MARCHF1: variants seen among roughly 807,000 people sequenced by gnomAD.
MARCHF1 encodes membrane associated ring-CH-type finger 1, also known as E3 ubiquitin-protein ligase MARCHF1.
MARCHF1 carries 40 observed loss-of-function variants against 54.2 expected under a neutral mutation model. The observed-to-expected ratio is 0.74, with a 90% CI of 0.57 to 0.96. The LOEUF is 0.96. Among genes scored for constraint, MARCHF1 ranks in the 40% least tolerant of loss-of-function variants. The probability of loss-of-function intolerance (pLI) is 0.00; values close to 1 mark genes in which losing one functional copy is unlikely to be tolerated. For missense variants in MARCHF1, 586 were observed against 656.5 expected (o/e 0.89, Z 1.17); for synonymous variants, 236 against 236.3 (o/e 1.00, Z 0.01).
chr4:163,693,557 G>A (rs1053625835), intron 5 of MARCHF1, among the ~76,000 whole-genome samples: 5 of 151,284 alleles, frequency 3.3e-5, no homozygotes, highest in Non-Finnish European at 7.4e-5. Flanking sequence ...TGCAATGTGG[G>A]CTCTCTGTCA....
At chr4:163,721,381 A>C (rs1277714439) in intron 4 of MARCHF1, among the ~76,000 whole-genome samples, 1 of 152,138 alleles carries the variant, frequency 6.6e-6, no homozygotes. Flanking sequence ...GATGAAGCCC[A>C]CTTGATCATG....
Position 163,720,831 on chromosome 4 carries a change from T to C in MARCHF1, c.112-19968A>G, listed in dbSNP as rs527709840. Among the ~76,000 whole-genome samples, 29 of 152,312 alleles carry C rather than the reference T, an allele frequency of 1.9e-4. No individual in the cohort carries two copies. The South Asian group carries it at 5.2e-3, about 27-fold the overall frequency. On this transcript the variant is annotated intron_variant, in intron 4 of 9. Coordinates refer to ENST00000514618, the MANE Select transcript of MARCHF1 (RefSeq NM_001394959.1). The stretch of plus-strand genomic sequence containing the variant: ...CACTCATGATTTGGGTCTCTCTTTG[T>C]CTGTTATTGGTGTATAAGAATGCTT...
At chr4:164,047,937 C>T (rs973756608) in intron 2 of MARCHF1, among the ~76,000 whole-genome samples, 1 of 152,024 alleles carries the variant, frequency 6.6e-6, no homozygotes, top group Non-Finnish European at 1.5e-5. Flanking sequence ...TTATTTTATC[C>T]TTCTATGTAA....
intron 5 of MARCHF1, among the ~76,000 whole-genome samples, chr4:163,681,350 C>T (rs1284028385): frequency 6.6e-6 from 1 of 152,136 alleles, no homozygotes; most frequent in African/African-American, 2.4e-5. Flanking sequence ...TTAGGAAAAC[C>T]TTGAGCAGAG....
chr4:163,815,820 C>A (rs1748517097), intron 4 of MARCHF1, among the ~76,000 whole-genome samples: 2 of 152,076 alleles, frequency 1.3e-5, no homozygotes, highest in South Asian at 4.2e-4. Context: ...ATCATAGAAG[C>A]CACCTGCTTA....
intron 3 of MARCHF1, among the ~76,000 whole-genome samples, chr4:163,905,655 T>G (rs1178790681): frequency 6.6e-6 from 1 of 152,094 alleles, no homozygotes; most frequent in Non-Finnish European, 1.5e-5. Flanking sequence ...GATGCTATAA[T>G]CCAGATTTAG....
Position 164,122,618 on chromosome 4 carries a change from C to T in MARCHF1, c.-322-10956G>A, listed in dbSNP as rs570330730. Reference sequence around the variant, plus strand: ...ACCTGACTACAAAACCTGTCGCATCCACTGCCCACCAGTCTTTTCTGCTGG... The same window carrying T: ...ACCTGACTACAAAACCTGTCGCATCTACTGCCCACCAGTCTTTTCTGCTGG... On this transcript the variant is annotated intron_variant, in intron 1 of 9. Coordinates refer to ENST00000514618, the MANE Select transcript of MARCHF1 (RefSeq NM_001394959.1). 5.3e-5 allele frequency among the ~76,000 whole-genome samples: 8 copies of T among 152,088 alleles called. No individual in the cohort carries two copies. The South Asian group carries it at 1.7e-3, about 32-fold the overall frequency.
chr4:163,678,399 C>G (rs1345846054), intron 5 of MARCHF1, among the ~76,000 whole-genome samples: 1 of 152,150 alleles, frequency 6.6e-6, no homozygotes, highest in East Asian at 1.9e-4. Flanking sequence ...CACTTTAAAA[C>G]AGGTCAAGTG....
intron 4 of MARCHF1, among the ~76,000 whole-genome samples, chr4:163,813,239 A>G (rs1345303320): frequency 6.6e-6 from 1 of 152,220 alleles, no homozygotes; most frequent in African/African-American, 2.4e-5. Flanking sequence ...CATAGAGGTA[A>G]TGGGTAGAGG....
chr4:163,594,836 C>G (rs1353061990), intron 7 of MARCHF1, among the ~76,000 whole-genome samples: 1 of 151,964 alleles, frequency 6.6e-6, no homozygotes, highest in Non-Finnish European at 1.5e-5. Context: ...GAAGTTGGAG[C>G]CCTTGTACGC....
At chr4:163,726,005 C>G (rs915217825) in intron 4 of MARCHF1, among the ~76,000 whole-genome samples, 4 of 151,722 alleles carry the variant, frequency 2.6e-5, no homozygotes, top group African/African-American at 7.3e-5. Context: ...TCTTTTTAGT[C>G]TTTTTAGAAC....
At chr4:163,745,526 C>G (rs1746334142) in intron 4 of MARCHF1, among the ~76,000 whole-genome samples, 1 of 152,170 alleles carries the variant, frequency 6.6e-6, no homozygotes, top group African/African-American at 2.4e-5. Flanking sequence ...GCGCCAGGGA[C>G]ACACTCCAGC....
At chr4:164,310,752 AC>A (rs1316380858) in intron 1 of MARCHF1, among the ~76,000 whole-genome samples, 5 of 152,110 alleles carry the variant, frequency 3.3e-5, no homozygotes, top group Admixed American at 6.6e-5. Flanking sequence ...TTATTAAAAA[AC>A]AACAGAAATA....
intron 4 of MARCHF1, among the ~76,000 whole-genome samples, chr4:163,797,260 T>C (rs2110959501): frequency 6.6e-6 from 1 of 152,192 alleles, no homozygotes; most frequent in South Asian, 2.1e-4. Context: ...AAGTGATCTG[T>C]CTTTTCTCTG....
At chr4:164,253,484 G>C (rs113112007) in intron 1 of MARCHF1, among the ~76,000 whole-genome samples, 4 of 152,188 alleles carry the variant, frequency 2.6e-5, no homozygotes, top group African/African-American at 9.6e-5. Flanking sequence ...TTAATAACAA[G>C]TCAGAACTAA....
intron 2 of MARCHF1, among the ~76,000 whole-genome samples, chr4:164,096,159 T>C (rs1475207726): frequency 6.6e-6 from 1 of 152,160 alleles, no homozygotes; most frequent in Non-Finnish European, 1.5e-5. Flanking sequence ...AGACATGGAA[T>C]CATCAATTGG....
chr4:163,846,459 GACTAA>G (rs1277576554), intron 4 of MARCHF1, among the ~76,000 whole-genome samples: 46 of 152,242 alleles, frequency 3.0e-4, no homozygotes, highest in African/African-American at 1.1e-3. Context: ...CCTTGTAATA[GACTAA>G]AAGTAGAAGA....
chr4:163,651,269 A>G (rs1325845639), intron 5 of MARCHF1, among the ~76,000 whole-genome samples: 1 of 151,898 alleles, frequency 6.6e-6, no homozygotes. Flanking sequence ...CTGTCACTAT[A>G]TTCTATATAT....
rs555013073 is a variant in MARCHF1, at chr4:164,263,663, A to G, written c.-323+120207T>C. Among the ~76,000 whole-genome samples, 578 of 151,368 alleles carry G rather than the reference A, an allele frequency of 3.8e-3. 4 individuals are homozygous for G. The highest frequency in any genetic ancestry group is 0.013 in the African/African-American group (546 of 41,382). On this transcript the variant is annotated intron_variant, in intron 1 of 9. Transcript: ENST00000514618. ...GAAATTTACAAAAGAAAAACAATCA[A>G]CCCCATTAAAATTGGGCAAAGGGAA...
Sources: gnomAD v4.1 joint callset for allele counts (sites outside exome capture counted in the v4.1 genomes callset) on GRCh38, gnomAD v4.1.1 for gene constraint, MANE v1.5 for transcripts, NCBI Gene and HGNC (gene_info 2026-07-23, HGNC 2026-07-21) for gene names.